The following SNTB1 variants were observed in gnomAD, a reference collection of about 807,000 sequenced individuals.
SNTB1 encodes the protein syntrophin beta 1, also known as beta-1-syntrophin.
In SNTB1, 36 loss-of-function variants were observed where a neutral mutation model predicts 48.9. The ratio of observed to expected loss-of-function variants is 0.74; its 90% CI spans 0.56 to 0.97. The LOEUF is 0.97. Ranked by LOEUF, SNTB1 falls within the 50% of genes least tolerant of loss-of-function variation. The pLI is 0.00. For synonymous variants in SNTB1, 299 were observed against 294.6 expected (o/e 1.01, Z -0.15); for missense variants, 786 against 703.4 (o/e 1.12, Z -1.33).
chr8:120,562,361 C>G (rs1815674469), intron 4 of SNTB1, among the ~76,000 whole-genome samples: 1 of 152,112 alleles, frequency 6.6e-6, no homozygotes, highest in Admixed American at 6.5e-5. Flanking sequence ...GATTCAATAC[C>G]TGGTTTGTCT....
intron 5 of SNTB1, among the ~76,000 whole-genome samples, chr8:120,547,219 C>G (rs1210167742): frequency 1.3e-5 from 2 of 152,150 alleles, no homozygotes; most frequent in Non-Finnish European, 2.9e-5. Flanking sequence ...AATATTTACA[C>G]CCATTATTCT....
chr8:120,632,529 A>T lies in SNTB1; in HGVS notation c.911T>A (p.Val304Glu). 6.2e-7 allele frequency: 1 copy of T among 1,613,964 alleles called. No homozygotes were observed. Among genetic ancestry groups the T allele is most frequent in the East Asian group, 2.2e-5 (1 of 44,878 alleles). The change falls in exon 3 of 7, where the codon GTG becomes GAG. Residue 304 changes from valine to glutamate, a missense_variant. Transcript: ENST00000517992. ...CAGCTGCTCTCTGACCTCAGCAATC[A>T]CTCGGGTCAGCAGGTCATTAACGTT... is the stretch of plus-strand genomic sequence containing the variant. The part of the protein sequence containing the change: ...HSNVNDLLTR[V>E]IAEVREQLGK...
intron 3 of SNTB1, among the ~76,000 whole-genome samples, chr8:120,631,630 ACAGCAAT>A (rs1207563057): frequency 6.6e-6 from 1 of 152,192 alleles, no homozygotes; most frequent in Non-Finnish European, 1.5e-5. Context: ...ACTTCAAGGG[ACAGCAAT>A]CATGTGTAAG....
Position 120,554,966 on chromosome 8 carries a change from C to T in SNTB1, c.1137-6008G>A, listed in dbSNP as rs530503467. 8.3e-4 allele frequency among the ~76,000 whole-genome samples: 126 copies of T among 152,236 alleles called. 1 individual carries two copies. The highest frequency in any genetic ancestry group is 2.6e-3 in the African/African-American group (109 of 41,488). The stretch of plus-strand genomic sequence containing the variant: ...TTACAAAAGAACACCAAAAATCACT[C>T]GCTAATTCATTCATTCATTCAATCA... On this transcript the variant is annotated intron_variant, in intron 4 of 6. Coordinates refer to ENST00000517992, the MANE Select transcript of SNTB1 (RefSeq NM_021021.4).
At chr8:120,609,625 A>T (rs2130729155) in intron 3 of SNTB1, among the ~76,000 whole-genome samples, 1 of 152,388 alleles carries the variant, frequency 6.6e-6, no homozygotes, top group African/African-American at 2.4e-5. Flanking sequence ...CATTGAAAAA[A>T]CAAATGGAAA....
chr8:120,621,093 G>A (rs1182388096), intron 3 of SNTB1, among the ~76,000 whole-genome samples: 2 of 152,106 alleles, frequency 1.3e-5, no homozygotes, highest in Admixed American at 6.6e-5. Flanking sequence ...CCAAGTAGCT[G>A]GGATTACAGG....
chr8:120,694,534 TATATATATCATTAATTCTTA>T (rs1422888926), intron 1 of SNTB1, among the ~76,000 whole-genome samples: 1 of 151,472 alleles, frequency 6.6e-6, no homozygotes, highest in East Asian at 1.9e-4. Flanking sequence ...TAAAAAATGA[TATATATATCATTAATTCTTA>T]ATATATATCA....
intron 6 of SNTB1, among the ~76,000 whole-genome samples, chr8:120,539,508 C>T (rs745615546): frequency 3.3e-5 from 5 of 152,206 alleles, no homozygotes; most frequent in Admixed American, 6.5e-5. Context: ...TGTGTTGTCA[C>T]CATCCTCTAG....
intron 3 of SNTB1, among the ~76,000 whole-genome samples, chr8:120,602,009 CA>C (rs1816429510): frequency 6.6e-6 from 1 of 152,162 alleles, no homozygotes; most frequent in Non-Finnish European, 1.5e-5. Context: ...AAACAAAAAA[CA>C]AAAACAAACA....
intron 3 of SNTB1, among the ~76,000 whole-genome samples, chr8:120,598,703 GA>G (rs1244811504): frequency 6.6e-6 from 1 of 152,178 alleles, no homozygotes; most frequent in Non-Finnish European, 1.5e-5. Flanking sequence ...CCAAAAGTCT[GA>G]AATTCGAATT....
rs60374035 is a variant in SNTB1, at chr8:120,797,546, CTTTTTTTT to C, written c.571+13719_571+13726del. 5.7e-3 allele frequency among the ~76,000 whole-genome samples: 394 copies of C among 69,106 alleles called. 1 individual carries two copies. The Middle Eastern group carries it at 0.061, about 11-fold the overall frequency. 45.3% of individuals were successfully genotyped at this position (69,106 alleles called of 152,430 possible). A position where few individuals can be genotyped will look rare whatever the true frequency, so the allele number is the denominator to read the frequency against. ...TCATTAACCAAAGCAACTTGTTTCT[CTTTTTTTT>C]TTTTTTTTTTTTTTTTTTTGTCCAA... On this transcript the variant is annotated intron_variant, in intron 1 of 6. Transcript: ENST00000517992.
chr8:120,789,181 T>C (rs1341781856), intron 1 of SNTB1, among the ~76,000 whole-genome samples: 1 of 151,982 alleles, frequency 6.6e-6, no homozygotes, highest in Non-Finnish European at 1.5e-5. Context: ...AATTTAAGAA[T>C]TTTCTGAAAT....
chr8:120,767,638 T>G (rs546333700), intron 1 of SNTB1, among the ~76,000 whole-genome samples: 1 of 152,324 alleles, frequency 6.6e-6, no homozygotes, highest in South Asian at 2.1e-4. Flanking sequence ...GGCAAATCAC[T>G]TAGCCTCTTT....
chr8:120,737,713 C>T (rs1336469277), intron 1 of SNTB1, among the ~76,000 whole-genome samples: 1 of 152,144 alleles, frequency 6.6e-6, no homozygotes, highest in Non-Finnish European at 1.5e-5. Context: ...ATGCTCTCCA[C>T]CTACCTTGCA....
chr8:120,591,685 C>T (rs1393351308), intron 3 of SNTB1, among the ~76,000 whole-genome samples: 2 of 152,170 alleles, frequency 1.3e-5, no homozygotes, highest in East Asian at 1.9e-4. Context: ...TAGCCTCATA[C>T]TAACCTCACC....
At chr8:120,786,489 CA>C in intron 1 of SNTB1, among the ~76,000 whole-genome samples, 1 of 152,150 alleles carries the variant, frequency 6.6e-6, no homozygotes, top group East Asian at 1.9e-4. Context: ...GGGCTTTTAC[CA>C]CAGGAGTTCA....
chr8:120,665,403 G>C (rs1817658943), intron 2 of SNTB1, among the ~76,000 whole-genome samples: 1 of 152,120 alleles, frequency 6.6e-6, no homozygotes, highest in African/African-American at 2.4e-5. Context: ...AGTGAGCTGA[G>C]ATCGTGCCAC....
At chr8:120,590,877 G>A (rs532423337) in intron 3 of SNTB1, among the ~76,000 whole-genome samples, 1 of 151,810 alleles carries the variant, frequency 6.6e-6, no homozygotes, top group Non-Finnish European at 1.5e-5. Context: ...AGTAGAGACG[G>A]GGTTTCACCA....
intron 1 of SNTB1, among the ~76,000 whole-genome samples, chr8:120,808,299 A>G (rs1194946159): frequency 6.6e-6 from 1 of 152,252 alleles, no homozygotes; most frequent in Non-Finnish European, 1.5e-5. Flanking sequence ...TACTGGCCTC[A>G]GTTACTGTTA....
Sources: gnomAD v4.1 joint callset for allele counts (sites outside exome capture counted in the v4.1 genomes callset) on GRCh38, gnomAD v4.1.1 for gene constraint, MANE v1.5 for transcripts, NCBI Gene and HGNC (gene_info 2026-07-23, HGNC 2026-07-21) for gene names.